ARHGAP28: variants seen among roughly 807,000 people sequenced by gnomAD.
ARHGAP28 encodes rho GTPase-activating protein 28.
ARHGAP28 carries 56 observed loss-of-function variants against 90.7 expected under a neutral mutation model. The ratio of observed to expected loss-of-function variants is 0.62; its 90% CI spans 0.50 to 0.77. ARHGAP28 has a LOEUF of 0.77. Among genes scored for constraint, ARHGAP28 ranks in the 30% least tolerant of loss-of-function variants. ARHGAP28 has a pLI of 0.00. For synonymous variants in ARHGAP28, 308 were observed against 323.3 expected (o/e 0.95, Z 0.51); for missense variants, 869 against 900.9 (o/e 0.96, Z 0.45).
chr18:6,774,269 A>C (rs961379364), intron 1 of ARHGAP28: 1 of 152,228 alleles, frequency 6.6e-6, no homozygotes, highest in African/African-American at 2.4e-5. Flanking sequence ...AACTTCGGCC[A>C]CAGACTTCTT....
chr18:6,839,394 C>T (rs1264522100), intron 3 of ARHGAP28, among the ~76,000 whole-genome samples: 5 of 151,316 alleles, frequency 3.3e-5, no homozygotes, highest in Admixed American at 6.6e-5. Context: ...CCCGGGTTCA[C>T]GCCATTCTCC....
chr18:6,850,272 G>A (rs2056899396), intron 3 of ARHGAP28, among the ~76,000 whole-genome samples: 1 of 152,024 alleles, frequency 6.6e-6, no homozygotes, highest in African/African-American at 2.4e-5. Flanking sequence ...TCAATTATCT[G>A]CTTTTTGTAG....
rs566847107 is a variant in ARHGAP28 at position 6,827,906 on chromosome 18, G to A, written c.325+2942G>A. On this transcript the variant is annotated intron_variant, in intron 2 of 17. Coordinates refer to ENST00000383472, the MANE Select transcript of ARHGAP28 (RefSeq NM_001366230.1). The stretch of plus-strand genomic sequence containing the variant: ...GAGGCGCTCCTCACTTCCTAGATGG[G>A]ATGGCGGCCGGGCAGAGACGCTCCT... 2.0e-5 allele frequency among the ~76,000 whole-genome samples: 3 copies of A among 151,302 alleles called. No homozygotes were observed. In the South Asian group the frequency reaches 6.3e-4, roughly 32 times the overall value.
rs190254761 is a variant in ARHGAP28 at position 6,863,720 on chromosome 18, A to G, written c.726+3823A>G. Among the ~76,000 whole-genome samples, 4 of 151,566 alleles carry G rather than the reference A, an allele frequency of 2.6e-5. No individual in the cohort carries two copies. The East Asian group carries it at 7.7e-4, about 29-fold the overall frequency. On this transcript the variant is annotated intron_variant, in intron 5 of 17. Transcript: ENST00000383472. ...TTTATAATTTGTATATATTTTTGAT[A>G]TATTTAATAATTTGTTTATGAAACC...
intron 4 of ARHGAP28, among the ~76,000 whole-genome samples, chr18:6,856,455 C>T (rs952348992): frequency 1.8e-4 from 27 of 152,114 alleles, no homozygotes; most frequent in African/African-American, 6.3e-4. Flanking sequence ...GTATAACTTA[C>T]AAACTGTAAG....
chr18:6,796,143 G>A (rs1004326105), intron 1 of ARHGAP28, among the ~76,000 whole-genome samples: 1 of 152,144 alleles, frequency 6.6e-6, no homozygotes, highest in African/African-American at 2.4e-5. Flanking sequence ...AGAGAAACAG[G>A]CCTTAGCGGT....
chr18:6,761,263 C>T (rs1235623026), intron 1 of ARHGAP28, among the ~76,000 whole-genome samples: 2 of 152,106 alleles, frequency 1.3e-5, no homozygotes, highest in African/African-American at 4.8e-5. Context: ...TAGGTGTATT[C>T]TGTCTGTGGA....
chr18:6,824,903 T>A lies in ARHGAP28; in HGVS notation c.264T>A (p.Ile88=). The change falls in exon 2 of 18, where the codon ATT becomes ATA. Residue 88 remains isoleucine (I), a synonymous_variant. Transcript: ENST00000383472. ...MEDFWREIES[I]KDSSMGGQEE... ...ATTTCTGGCGGGAAATAGAAAGTAT[T>A]AAAGACAGCAGCATGGGAGGGCAAG... 1 of 1,536,014 alleles carries A rather than the reference T, an allele frequency of 6.5e-7. No homozygotes were observed. Among genetic ancestry groups the A allele is most frequent in the African/African-American group, 1.4e-5 (1 of 73,114 alleles).
intron 1 of ARHGAP28, among the ~76,000 whole-genome samples, chr18:6,815,810 T>C (rs918552666): frequency 2.0e-5 from 3 of 152,174 alleles, no homozygotes; most frequent in South Asian, 2.1e-4. Context: ...TTGAAGTTGT[T>C]CATTCTTCCA....
At chr18:6,880,747 C>T (rs1361288698) in intron 10 of ARHGAP28, among the ~76,000 whole-genome samples, 1 of 152,174 alleles carries the variant, frequency 6.6e-6, no homozygotes, top group Non-Finnish European at 1.5e-5. Context: ...CAGAGTTTGA[C>T]TCCTCTCTTT....
rs563714031 is a variant in ARHGAP28, at chr18:6,915,572, C to T, written c.*3418C>T. On this transcript the variant is annotated 3_prime_UTR_variant, in exon 18 of 18. Coordinates refer to ENST00000383472, the MANE Select transcript of ARHGAP28 (RefSeq NM_001366230.1). ...ATTTTCTAAAACTAATTTGACAAAT[C>T]ATGACACTAGAAAACGCCAATGTTT... 3 of 152,242 alleles carry T rather than the reference C, an allele frequency of 2.0e-5. No individual in the cohort carries two copies. The highest frequency in any genetic ancestry group is 4.8e-5 in the African/African-American group (2 of 41,546). 9.4% of individuals were successfully genotyped at this position (152,242 alleles called of 1,614,324 possible).
At chr18:6,871,530 T>C (rs1355464664) in intron 7 of ARHGAP28, among the ~76,000 whole-genome samples, 1 of 152,094 alleles carries the variant, frequency 6.6e-6, no homozygotes, top group Non-Finnish European at 1.5e-5. Context: ...AGCTATATAC[T>C]TTGTTACCCC....
intron 1 of ARHGAP28, among the ~76,000 whole-genome samples, chr18:6,812,610 A>G (rs535469498): frequency 7.7e-6 from 1 of 129,606 alleles, no homozygotes; most frequent in Non-Finnish European, 1.5e-5. Context: ...GGCATCAGCT[A>G]TTGATCAGAG....
intron 4 of ARHGAP28, among the ~76,000 whole-genome samples, chr18:6,856,364 A>G (rs1013476474): frequency 1.3e-5 from 2 of 152,210 alleles, no homozygotes; most frequent in Non-Finnish European, 2.9e-5. Context: ...CAAAGCAGCA[A>G]TGGCCCTTTT....
chr18:6,819,907 C>G lies in ARHGAP28; in HGVS notation c.123-4855C>G, dbSNP rs945423826. Among the ~76,000 whole-genome samples the G allele has an allele frequency of 2.0e-5, 3 of 152,192 alleles. No homozygotes were observed. The East Asian group carries it at 5.8e-4, about 29-fold the overall frequency. ...GATTGGATTGACATGCTCTGCCTCT[C>G]ACTCTATCTACCAAATAGAGGAAAA... On this transcript the variant is annotated intron_variant, in intron 1 of 17. Coordinates refer to ENST00000383472, the MANE Select transcript of ARHGAP28 (RefSeq NM_001366230.1).
chr18:6,867,349 G>C (rs2057045274), intron 5 of ARHGAP28, among the ~76,000 whole-genome samples: 1 of 152,174 alleles, frequency 6.6e-6, no homozygotes, highest in South Asian at 2.1e-4. Context: ...TTTTATGTGT[G>C]AATAGCATAT....
At chr18:6,772,923 T>C (rs1293510413) in intron 1 of ARHGAP28, among the ~76,000 whole-genome samples, 1 of 151,902 alleles carries the variant, frequency 6.6e-6, no homozygotes, top group Non-Finnish European at 1.5e-5. Context: ...GTATTATTAG[T>C]AGAGATGGGT....
At chr18:6,761,045 C>T (rs978028449) in intron 1 of ARHGAP28, among the ~76,000 whole-genome samples, 3 of 151,794 alleles carry the variant, frequency 2.0e-5, no homozygotes, top group Non-Finnish European at 2.9e-5. Context: ...TTAAAATGCA[C>T]GTAAACATAC....
intron 5 of ARHGAP28, among the ~76,000 whole-genome samples, chr18:6,863,608 T>C (rs2567260): frequency 0.51 from 76,680 of 151,400 alleles, 20,616 homozygotes; most frequent in Non-Finnish European, 0.61. Flanking sequence ...TTTGTACAAA[T>C]ATGTTGAAAA....
Sources: gnomAD v4.1 joint callset for allele counts (sites outside exome capture counted in the v4.1 genomes callset) on GRCh38, gnomAD v4.1.1 for gene constraint, MANE v1.5 for transcripts, NCBI Gene and HGNC (gene_info 2026-07-23, HGNC 2026-07-21) for gene names.